LATS1: variants seen among roughly 807,000 people sequenced by gnomAD.
LATS1 encodes large tumor suppressor kinase 1, also known as serine/threonine-protein kinase LATS1.
Under a neutral mutation model 106.6 loss-of-function variants are expected in LATS1, and 25 were observed. The ratio of observed to expected loss-of-function variants is 0.23; its 90% CI spans 0.17 to 0.33. LATS1 has a LOEUF of 0.33. LATS1 is among the 10% of genes least tolerant of loss of function. The pLI, the probability that LATS1 is intolerant of heterozygous loss-of-function variation, is 1.00. For missense variants in LATS1, 1,040 were observed against 1,382.6 expected (o/e 0.75, Z 3.93); for synonymous variants, 465 against 455.6 (o/e 1.02, Z -0.26).
intron 7 of LATS1, among the ~76,000 whole-genome samples, chr6:149,670,379 A>T (rs982192161): frequency 6.6e-6 from 1 of 151,904 alleles, no homozygotes; most frequent in Non-Finnish European, 1.5e-5. Context: ...AACTGGAAAA[A>T]GACTATCAGG....
At chr6:149,689,728 A>G (rs1432746732) in intron 3 of LATS1, among the ~76,000 whole-genome samples, 1 of 152,124 alleles carries the variant, frequency 6.6e-6, no homozygotes, top group Non-Finnish European at 1.5e-5. Flanking sequence ...TTTCAGAGAA[A>G]ACAGCAGGCA....
chr6:149,673,101 T>C (rs1183046893), intron 7 of LATS1, among the ~76,000 whole-genome samples: 41 of 146,122 alleles, frequency 2.8e-4, no homozygotes, highest in Middle Eastern at 3.5e-3. Flanking sequence ...CTTTTCTTTT[T>C]TTTTTTTTTT....
chr6:149,707,601 G>A (rs1470283923), intron 1 of LATS1, among the ~76,000 whole-genome samples: 1 of 152,106 alleles, frequency 6.6e-6, no homozygotes, highest in Non-Finnish European at 1.5e-5. Flanking sequence ...CTAACATTGA[G>A]TGCACAAAGG....
intron 3 of LATS1, among the ~76,000 whole-genome samples, chr6:149,684,823 CA>C (rs1042367841): frequency 6.6e-6 from 1 of 150,680 alleles, no homozygotes; most frequent in African/African-American, 2.4e-5. Flanking sequence ...ATTCTCACTA[CA>C]AAAAAATGAT....
rs1186511746 is a variant in LATS1, at chr6:149,658,473, C to T, written c.*3256G>A. On this transcript the variant is annotated 3_prime_UTR_variant, in exon 8 of 8. Transcript: ENST00000543571. ...TTTACAAATATACCAATATTTTGAC[C>T]CAAATTACTTTTTGCTTTAGATTAA... 1.3e-5 allele frequency: 2 copies of T among 152,034 alleles called. No homozygotes were observed. The highest frequency in any genetic ancestry group is 2.9e-5 in the Non-Finnish European group (2 of 67,986). The allele number at this position is 152,034 out of a possible 1,614,324, so 9.4% of individuals were successfully genotyped here.
chr6:149,683,816 T>C lies in LATS1; in HGVS notation c.1273A>G (p.Ser425Gly), dbSNP rs1782196977. The change falls in exon 4 of 8, where the codon AGT (serine) becomes GGT (glycine). Residue 425 changes from serine to glycine, a missense_variant. Ser to Gly is a moderately conservative substitution (Grantham distance 56). Coordinates refer to ENST00000543571, the MANE Select transcript of LATS1 (RefSeq NM_004690.4). ...NSHNMELYNI[S>G]VPGLQTNWPQ... ...CAATTTGTTTGCAGTCCAGGTACAC[T>C]AATGTTATATAGTTCCATGTTATGA... The C allele has an allele frequency of 1.6e-5, 26 of 1,613,858 alleles. No individual in the cohort carries two copies. The highest frequency in any genetic ancestry group is 2.1e-5 in the Non-Finnish European group (25 of 1,180,032).
intron 1 of LATS1, among the ~76,000 whole-genome samples, chr6:149,712,391 T>C (rs1020797603): frequency 6.6e-6 from 1 of 151,974 alleles, no homozygotes; most frequent in African/African-American, 2.4e-5. Context: ...AGAGACGGAG[T>C]TTCTCCATGT....
At chr6:149,702,964 T>C (rs10872643) in intron 1 of LATS1, among the ~76,000 whole-genome samples, 69,810 of 150,916 alleles carry the variant, frequency 0.46, 17,440 homozygotes, top group East Asian at 0.81. Context: ...TGAGCCACCG[T>C]GCCCAGCCTT....
intron 3 of LATS1, among the ~76,000 whole-genome samples, chr6:149,684,823 C>CA (rs1042367841): frequency 1.3e-5 from 2 of 150,680 alleles, no homozygotes; most frequent in African/African-American, 2.4e-5. Flanking sequence ...ATTCTCACTA[C>CA]AAAAAAATGA....
rs1321084210 is a variant in LATS1 at position 149,662,204 on chromosome 6, G to A, written c.2918C>T (p.Pro973Leu). The A allele has an allele frequency of 4.7e-5, 76 of 1,611,774 alleles. No individual in the cohort carries two copies. The Admixed American group carries it at 1.2e-3, about 26-fold the overall frequency. ...AGCTTCAGGACTGAGTTTAGCTTGT[G>A]GTGGAATGTGAAGAGATGTTTGCCA... Reference protein sequence around the residue: ...INWQTSLHIPPQAKLSPEASD... With the variant: ...INWQTSLHIPLQAKLSPEASD... Residue 973 changes from proline (P) to leucine (L), a missense_variant, in exon 8 of 8, where the codon CCA becomes CTA. Around this residue, in one of 7 missense-constraint regions of LATS1, gnomAD observed 113 missense variants for 146.3 expected, o/e 0.77. Transcript: ENST00000543571.
At chr6:149,705,535 T>A (rs1031207556) in intron 1 of LATS1, among the ~76,000 whole-genome samples, 4 of 152,010 alleles carry the variant, frequency 2.6e-5, no homozygotes, top group African/African-American at 9.7e-5. Context: ...TCTAAGTTAA[T>A]CATCACTTTA....
chr6:149,692,975 CAA>C (rs1438222865), intron 3 of LATS1, among the ~76,000 whole-genome samples: 1 of 151,820 alleles, frequency 6.6e-6, no homozygotes, highest in Non-Finnish European at 1.5e-5. Flanking sequence ...CACCAGGACA[CAA>C]AGACAGGCCA....
chr6:149,712,715 C>T (rs1279729456), intron 1 of LATS1, among the ~76,000 whole-genome samples: 5 of 151,882 alleles, frequency 3.3e-5, no homozygotes, highest in East Asian at 1.9e-4. Context: ...AAGTTAGGGC[C>T]GGGTGCAGTG....
chr6:149,684,170 T>G lies in LATS1; in HGVS notation c.919A>C (p.Thr307Pro). 1 of 1,614,058 alleles carries G rather than the reference T, an allele frequency of 6.2e-7. No individual in the cohort carries two copies. Among genetic ancestry groups the G allele is most frequent in the Non-Finnish European group, 8.5e-7 (1 of 1,180,018 alleles). ...TGATTAGGAGGATTCATGGGGGAAG[T>G]GTTGAGAGGTGGTGGAGGATAGCCC... ...QEGYPPPPLN[T>P]SPMNPPNQGQ... Residue 307 changes from threonine (T) to proline (P), a missense_variant, in exon 4 of 8, where the codon ACT (threonine) becomes CCT (proline). By Grantham distance (38) the Thr-to-Pro change is conservative (BLOSUM62 -1). This residue lies in a region of LATS1 where 624 missense variants were observed against 714.8 expected (regional missense o/e 0.87). Coordinates refer to ENST00000543571, the MANE Select transcript of LATS1 (RefSeq NM_004690.4).
In LATS1 at chr6:149,701,936, T is replaced by A. The variant is rs1305054030; in HGVS notation, c.191A>T (p.Gln64Leu). The A allele has an allele frequency of 6.8e-6, 11 of 1,614,216 alleles. No homozygotes were observed. The highest frequency in any genetic ancestry group is 9.3e-6 in the Non-Finnish European group (11 of 1,180,040). ...CCCAAATTTGGGTGGATTTCTGACT[T>A]GTCGAGGATCTTCGGTTGACATTTT... The part of the protein sequence containing the change: ...MSKMSTEDPR[Q>L]VRNPPKFGTH... The change falls in exon 2 of 8, where the codon CAA becomes CTA. Residue 64 changes from glutamine (Q) to leucine (L), a missense_variant. By Grantham distance (113) the Gln-to-Leu change is moderately radical. Coordinates refer to ENST00000543571, the MANE Select transcript of LATS1 (RefSeq NM_004690.4).
intron 1 of LATS1, among the ~76,000 whole-genome samples, chr6:149,715,976 C>T (rs1784364738): frequency 6.6e-6 from 1 of 152,110 alleles, no homozygotes; most frequent in Non-Finnish European, 1.5e-5. Flanking sequence ...TACCCCATAA[C>T]TTTCAATGAC....
intron 1 of LATS1, among the ~76,000 whole-genome samples, chr6:149,714,148 T>C (rs976161667): frequency 6.6e-6 from 1 of 151,920 alleles, no homozygotes; most frequent in African/African-American, 2.4e-5. Context: ...ATTTTTGTAT[T>C]TTTAGTAGAG....
intron 1 of LATS1, among the ~76,000 whole-genome samples, chr6:149,713,711 G>A (rs1247233025): frequency 6.6e-6 from 1 of 151,704 alleles, no homozygotes; most frequent in Non-Finnish European, 1.5e-5. Flanking sequence ...CCAGGTTGGA[G>A]TGCAATGGCG....
Position 149,683,402 on chromosome 6 carries a change from G to A in LATS1, c.1687C>T (p.Leu563=), listed in dbSNP as rs756868574. The part of the protein sequence containing the change: ...QGPPPPYPKH[L]LHQNPSVPPY... ...GGAACAGATGGGTTTTGGTGCAGCA[G>A]ATGTTTTGGGTAGGGTGGTGGTGGT... The change falls in exon 4 of 8, where the codon CTG becomes TTG. Residue 563 remains leucine, a synonymous_variant. Transcript: ENST00000543571. The A allele has an allele frequency of 5.6e-6, 9 of 1,614,086 alleles. No individual in the cohort carries two copies. The Admixed American group carries it at 6.7e-5, about 12-fold the overall frequency.
Sources: gnomAD v4.1 joint callset for allele counts (sites outside exome capture counted in the v4.1 genomes callset) on GRCh38, gnomAD v4.1.1 for gene constraint, gnomAD v4.1.1 regional missense constraint, MANE v1.5 for transcripts, NCBI Gene and HGNC (gene_info 2026-07-23, HGNC 2026-07-21) for gene names.